INPP4B: variants seen among roughly 807,000 people sequenced by gnomAD.
The protein encoded by INPP4B is inositol polyphosphate-4-phosphatase type II B, also known as inositol polyphosphate 4-phosphatase type II.
Under a neutral mutation model 122.5 loss-of-function variants are expected in INPP4B, and 55 were observed. That is an observed-to-expected ratio of 0.45 (90% CI 0.36 to 0.56). The LOEUF (loss-of-function observed/expected upper bound fraction) is 0.56, where lower values mean the gene tolerates loss of function less well. Ranked by LOEUF, INPP4B falls within the 20% of genes least tolerant of loss-of-function variation. INPP4B has a pLI of 0.00. For missense variants in INPP4B, 1,000 were observed against 1,097.7 expected (o/e 0.91, Z 1.26); for synonymous variants, 403 against 388.7 (o/e 1.04, Z -0.43).
At chr4:142,065,893 G>A (rs1054727827) in intron 25 of INPP4B, among the ~76,000 whole-genome samples, 22 of 152,088 alleles carry the variant, frequency 1.4e-4, no homozygotes, top group African/African-American at 4.1e-4. Context: ...GAAGGGATAC[G>A]GAGCTTCCAT....
intron 2 of INPP4B, among the ~76,000 whole-genome samples, chr4:142,575,576 T>C (rs1289042388): frequency 6.6e-6 from 1 of 151,984 alleles, no homozygotes; most frequent in Non-Finnish European, 1.5e-5. Context: ...ATCAACACGA[T>C]GAAATAATCA....
At chr4:142,492,289 A>G (rs1375976784) in intron 2 of INPP4B, among the ~76,000 whole-genome samples, 1 of 152,102 alleles carries the variant, frequency 6.6e-6, no homozygotes, top group Non-Finnish European at 1.5e-5. Context: ...TGAGATTGGT[A>G]CCACAGAGAG....
intron 12 of INPP4B, among the ~76,000 whole-genome samples, chr4:142,220,297 T>TTG (rs2149690777): frequency 6.6e-6 from 1 of 152,336 alleles, no homozygotes; most frequent in Non-Finnish European, 1.5e-5. Flanking sequence ...GTAACTTTCA[T>TTG]ATGGCTCAAC....
At chr4:142,485,110 T>G (rs531826642) in intron 2 of INPP4B, among the ~76,000 whole-genome samples, 1 of 152,168 alleles carries the variant, frequency 6.6e-6, no homozygotes, top group Non-Finnish European at 1.5e-5. Flanking sequence ...AGAGAAAGCA[T>G]GCACCAATAA....
At chr4:142,834,527 A>C (rs1782546218) in intron 1 of INPP4B, among the ~76,000 whole-genome samples, 1 of 152,230 alleles carries the variant, frequency 6.6e-6, no homozygotes, top group Non-Finnish European at 1.5e-5. Context: ...GGAGCATGGG[A>C]ATAGTAAAAC....
At chr4:142,246,973 C>G (rs1287773675) in intron 11 of INPP4B, among the ~76,000 whole-genome samples, 1 of 152,146 alleles carries the variant, frequency 6.6e-6, no homozygotes, top group Non-Finnish European at 1.5e-5. Context: ...TATGTTCCAT[C>G]AATACCTACT....
intron 2 of INPP4B, among the ~76,000 whole-genome samples, chr4:142,627,777 TAGG>T (rs1175076444): frequency 3.9e-5 from 6 of 152,202 alleles, no homozygotes; most frequent in Non-Finnish European, 8.8e-5. Context: ...TAAAATGAGT[TAGG>T]AGGATTCCCT....
At chr4:142,304,163 G>A (rs980415158) in intron 9 of INPP4B, among the ~76,000 whole-genome samples, 14 of 152,098 alleles carry the variant, frequency 9.2e-5, no homozygotes, top group African/African-American at 3.1e-4. Flanking sequence ...ATGAATCCAG[G>A]GGCATATGGG....
intron 25 of INPP4B, among the ~76,000 whole-genome samples, chr4:142,050,841 G>A (rs528851754): frequency 1.3e-5 from 2 of 152,060 alleles, no homozygotes; most frequent in East Asian, 3.9e-4. Context: ...AACAAAATCT[G>A]GAGATGCTCA....
At chr4:142,034,598 C>T (rs935224350) in intron 25 of INPP4B, among the ~76,000 whole-genome samples, 1 of 152,092 alleles carries the variant, frequency 6.6e-6, no homozygotes, top group South Asian at 2.1e-4. Flanking sequence ...CAGCCAGGCT[C>T]ACCACTGCCA....
chr4:142,186,728 A>G (rs986980637), intron 15 of INPP4B, among the ~76,000 whole-genome samples: 2 of 152,204 alleles, frequency 1.3e-5, no homozygotes, highest in South Asian at 4.1e-4. Flanking sequence ...TACAGCTACA[A>G]TGAAAATAAA....
At chr4:142,709,045 G>C (rs1417330822) in intron 2 of INPP4B, among the ~76,000 whole-genome samples, 1 of 152,184 alleles carries the variant, frequency 6.6e-6, no homozygotes, top group Non-Finnish European at 1.5e-5. Flanking sequence ...CTGGATGTGA[G>C]ACATGGAGTC....
chr4:142,562,366 C>T (rs1730656532), intron 2 of INPP4B, among the ~76,000 whole-genome samples: 1 of 152,172 alleles, frequency 6.6e-6, no homozygotes, highest in South Asian at 2.1e-4. Flanking sequence ...ATCAAATTCT[C>T]ATTACGAGAA....
intron 16 of INPP4B, among the ~76,000 whole-genome samples, chr4:142,169,959 G>A (rs1824770040): frequency 6.6e-6 from 1 of 151,628 alleles, no homozygotes; most frequent in South Asian, 2.1e-4. Flanking sequence ...ATAGATTTCT[G>A]AGCTATGAGA....
At chr4:142,545,734 C>CACAT (rs1829503348) in intron 2 of INPP4B, among the ~76,000 whole-genome samples, 1 of 111,384 alleles carries the variant, frequency 9.0e-6, no homozygotes, top group African/African-American at 4.0e-5. Flanking sequence ...TGTATATACA[C>CACAT]ATATATGTGT....
At chr4:142,144,271 T>TA (rs1309898222) in intron 18 of INPP4B, among the ~76,000 whole-genome samples, 2 of 149,904 alleles carry the variant, frequency 1.3e-5, no homozygotes. Context: ...ACACACTGTA[T>TA]AATTTCAAAT....
chr4:142,594,992 G>A (rs949262615), intron 2 of INPP4B, among the ~76,000 whole-genome samples: 3 of 149,468 alleles, frequency 2.0e-5, no homozygotes, highest in Admixed American at 2.0e-4. Context: ...GGCAGAGCAT[G>A]AATGCAGTAA....
intron 5 of INPP4B, among the ~76,000 whole-genome samples, chr4:142,411,330 G>A (rs1474011645): frequency 6.6e-6 from 1 of 152,142 alleles, no homozygotes; most frequent in Non-Finnish European, 1.5e-5. Context: ...GGAAAGAGTT[G>A]CTTCTCTGCT....
chr4:142,833,639 T>G (rs983214739), intron 1 of INPP4B, among the ~76,000 whole-genome samples: 4 of 152,114 alleles, frequency 2.6e-5, no homozygotes, highest in Non-Finnish European at 4.4e-5. Flanking sequence ...ATGATTTTTT[T>G]TTTTAAAGAC....
Sources: allele counts gnomAD v4.1 joint callset (sites outside exome capture counted in the v4.1 genomes callset), GRCh38; gene constraint gnomAD v4.1.1; transcripts MANE v1.5; gene names NCBI Gene and HGNC (gene_info 2026-07-23, HGNC 2026-07-21).